SNX19: variants seen among roughly 807,000 people sequenced by gnomAD.
SNX19 encodes sorting nexin 19, also known as sorting nexin-19.
Under a neutral mutation model 85.2 loss-of-function variants are expected in SNX19, and 60 were observed. That is an observed-to-expected ratio of 0.70 (90% CI 0.57 to 0.87). The LOEUF is 0.87. Among genes scored for constraint, SNX19 ranks in the 40% least tolerant of loss-of-function variants. SNX19 has a pLI of 0.00. For missense variants in SNX19, 1,201 were observed against 1,217.8 expected (o/e 0.99, Z 0.21); for synonymous variants, 520 against 470.0 (o/e 1.11, Z -1.38).
intron 4 of SNX19, 103 bp downstream of exon 4, chr11:130,909,915 C>G (rs1487050603): frequency 6.7e-7 from 1 of 1,490,752 alleles, no homozygotes; most frequent in Non-Finnish European, 9.1e-7. Context: ...CTGCCCCTTC[C>G]CACACCCTAC....
At chr11:130,890,010 G>A (rs1036118673) in intron 8 of SNX19, among the ~76,000 whole-genome samples, 1 of 151,988 alleles carries the variant, frequency 6.6e-6, no homozygotes, top group Non-Finnish European at 1.5e-5. Flanking sequence ...GGCTTCTCTG[G>A]GTGCATCATT....
Position 130,879,616 on chromosome 11 carries a change from C to T in SNX19, c.2846+8G>A. ...ATGCTGATGTTGGAATAACATTTTC[C>T]CACTTACCTGTTGATGAGGGGTTGT... On this transcript the variant is annotated splice_region_variant and intron_variant, in intron 10 of 10. Coordinates refer to ENST00000265909, the MANE Select transcript of SNX19 (RefSeq NM_014758.3). 1 of 1,613,124 alleles carries T rather than the reference C, an allele frequency of 6.2e-7. No homozygotes were observed.
At chr11:130,908,208 C>A in intron 4 of SNX19, 125 bp from the exon 5 acceptor site, 1 of 1,084,270 alleles carries the variant, frequency 9.2e-7, no homozygotes, top group Non-Finnish European at 1.3e-6. Context: ...TCTAGCAAAG[C>A]CTTATCCAGT....
intron 8 of SNX19, among the ~76,000 whole-genome samples, chr11:130,884,114 T>C (rs1272968122): frequency 6.6e-6 from 1 of 152,196 alleles, no homozygotes; most frequent in Admixed American, 6.5e-5. Context: ...TCCTCTCCCT[T>C]TCATCCCTAC....
intron 1 of SNX19, among the ~76,000 whole-genome samples, chr11:130,913,829 G>C (rs938832574): frequency 6.6e-5 from 10 of 152,168 alleles, no homozygotes; most frequent in Non-Finnish European, 1.5e-4. Flanking sequence ...GGTTGGATTA[G>C]AGAGGCAATT....
chr11:130,891,646 A>G (rs1944502998), intron 8 of SNX19, among the ~76,000 whole-genome samples: 1 of 152,170 alleles, frequency 6.6e-6, no homozygotes, highest in Non-Finnish European at 1.5e-5. Flanking sequence ...GAAGAAAAGA[A>G]GAGAGGAAGG....
At chr11:130,911,600 A>G in intron 2 of SNX19, 33 bp downstream of exon 2, 2 of 1,613,178 alleles carry the variant, frequency 1.2e-6, no homozygotes, top group Non-Finnish European at 1.7e-6. Flanking sequence ...CGTGGGAAGC[A>G]AGCGGGCAGT....
chr11:130,914,758 G>T lies in SNX19; in HGVS notation c.1182C>A (p.Leu394=). ...TIMLMTPGSF[L]SDRIQDALCA... ...ACAGGGCATCCTGAATCCTGTCAGAGAGAAAGCTGCCTGGAGTCATGAGCA... is the reference window on the plus strand; with the variant it reads ...ACAGGGCATCCTGAATCCTGTCAGATAGAAAGCTGCCTGGAGTCATGAGCA... The change falls in exon 1 of 11, where the codon CTC becomes CTA. Residue 394 remains leucine (L), a synonymous_variant. Coordinates refer to ENST00000265909, the MANE Select transcript of SNX19 (RefSeq NM_014758.3). 6.2e-7 allele frequency: 1 copy of T among 1,614,230 alleles called. No individual in the cohort carries two copies. The highest frequency in any genetic ancestry group is 2.2e-5 in the East Asian group (1 of 44,872).
rs569722548 is a variant in SNX19, at chr11:130,901,352, C to A, written c.2573+1903G>T. 1.1e-4 allele frequency among the ~76,000 whole-genome samples: 16 copies of A among 152,220 alleles called. No individual in the cohort carries two copies. In the East Asian group the frequency reaches 3.1e-3, roughly 29 times the overall value. On this transcript the variant is annotated intron_variant, in intron 8 of 10. Transcript: ENST00000265909. ...ACTTTGCAAGTTAGAGAAGAGGACT[C>A]CTTAATTCTCGGGGAAAGAGAGCAG...
Position 130,906,074 on chromosome 11 carries a change from T to C in SNX19, c.2322A>G (p.Leu774=). ...MESFIEKQTK[L]LEMQPTKAPE... ...GGGCTTTTGTTGGCTGCATTTCCAG[T>C]AACTTTGTCTGTTTTTCAATAAAAG... The change falls in exon 7 of 11, where the codon TTA becomes TTG. Residue 774 remains leucine (L), a synonymous_variant. Coordinates refer to ENST00000265909, the MANE Select transcript of SNX19 (RefSeq NM_014758.3). The C allele has an allele frequency of 6.2e-7, 1 of 1,614,198 alleles. No individual in the cohort carries two copies. The highest frequency in any genetic ancestry group is 1.1e-5 in the South Asian group (1 of 91,088).
intron 7 of SNX19, chr11:130,905,584 A>G (rs10894281): frequency 0.65 from 816,422 of 1,250,064 alleles, 268,596 homozygotes; most frequent in South Asian, 0.79. Context: ...GAAGCCACGA[A>G]AAAGGCATGA....
chr11:130,879,716 G>A lies in SNX19; in HGVS notation c.2759-5C>T, dbSNP rs934482974. 6.2e-7 allele frequency: 1 copy of A among 1,613,390 alleles called. No homozygotes were observed. Among genetic ancestry groups the A allele is most frequent in the Non-Finnish European group, 8.5e-7 (1 of 1,179,606 alleles). ...CAAGAATTTCTACTACGAGATCTGA[G>A]GAGGAAAAAACAGATGGAATTTGCG... On this transcript the variant is annotated splice_polypyrimidine_tract_variant and splice_region_variant and intron_variant, in intron 9 of 10. Coordinates refer to ENST00000265909, the MANE Select transcript of SNX19 (RefSeq NM_014758.3).
At chr11:130,912,902 T>A (rs1250960071) in intron 1 of SNX19, among the ~76,000 whole-genome samples, 2 of 152,208 alleles carry the variant, frequency 1.3e-5, no homozygotes, top group Admixed American at 1.3e-4. Flanking sequence ...TCAGAAAGTA[T>A]AATAATATTG....
intron 8 of SNX19, among the ~76,000 whole-genome samples, chr11:130,898,865 G>A (rs1338735468): frequency 2.0e-5 from 3 of 152,188 alleles, no homozygotes; most frequent in Non-Finnish European, 4.4e-5. Context: ...ATAATCTCCA[G>A]TACTTGGAGA....
chr11:130,879,352 G>C (rs1308175612), intron 10 of SNX19, among the ~76,000 whole-genome samples: 1 of 152,138 alleles, frequency 6.6e-6, no homozygotes, highest in African/African-American at 2.4e-5. Flanking sequence ...CAGCTCATGT[G>C]GGGGCCTGCA....
Position 130,879,663 on chromosome 11 carries a change from C to T in SNX19, c.2807G>A (p.Gly936Asp). The stretch of plus-strand genomic sequence containing the variant: ...TTGTTGTAGTGACTCCAGGACTAGA[C>T]CCCAGCTCAGCCGGCATTTGTTCAC... Reference protein sequence around the residue: ...LGVNKCRLSWGLVLESLQQPL... With the variant: ...LGVNKCRLSWDLVLESLQQPL... Residue 936 changes from glycine to aspartate, a missense_variant, in exon 10 of 11, where the codon GGT becomes GAT. This residue lies in a region of SNX19 where 285 missense variants were observed against 295.3 expected (regional missense o/e 0.97). Transcript: ENST00000265909. 1.2e-6 allele frequency: 2 copies of T among 1,613,930 alleles called. No individual in the cohort carries two copies. Among genetic ancestry groups the T allele is most frequent in the Non-Finnish European group, 1.7e-6 (2 of 1,179,942 alleles).
rs71483638 is a variant in SNX19 at position 130,866,790 on chromosome 11, C to A, written c.*11632G>T. The A allele has an allele frequency of 1.3e-5, 2 of 152,124 alleles. No individual in the cohort carries two copies. The highest frequency in any genetic ancestry group is 2.9e-5 in the Non-Finnish European group (2 of 68,042). 9.4% of individuals were successfully genotyped at this position (152,124 alleles called of 1,614,324 possible). ...AAGGCTTTAGGTTCATACCTGTATA[C>A]GAAGGATAGTCCTGGTGTGGGGCAG... On this transcript the variant is annotated 3_prime_UTR_variant, in exon 11 of 11. Coordinates refer to ENST00000265909, the MANE Select transcript of SNX19 (RefSeq NM_014758.3).
intron 5 of SNX19, among the ~76,000 whole-genome samples, 168 bp from the exon 6 acceptor site, chr11:130,906,889 A>G (rs547230716): frequency 1.3e-5 from 2 of 152,298 alleles, no homozygotes; most frequent in African/African-American, 2.4e-5. Flanking sequence ...CAATCCCCCA[A>G]ACAATGTATA....
intron 8 of SNX19, among the ~76,000 whole-genome samples, chr11:130,901,580 G>A (rs973108621): frequency 6.6e-6 from 1 of 152,198 alleles, no homozygotes; most frequent in East Asian, 1.9e-4. Context: ...AGAATATTCA[G>A]GCAATGATGG....
Sources: allele counts gnomAD v4.1 joint callset (sites outside exome capture counted in the v4.1 genomes callset), GRCh38; gene constraint gnomAD v4.1.1; regional missense constraint gnomAD v4.1.1; transcripts MANE v1.5; gene names NCBI Gene and HGNC (gene_info 2026-07-23, HGNC 2026-07-21).